CHI3L2: variants seen among roughly 807,000 people sequenced by gnomAD.
The protein encoded by CHI3L2 is chitinase-3-like protein 2.
A neutral mutation model predicts 47.3 loss-of-function variants in CHI3L2; 47 were observed. The ratio of observed to expected loss-of-function variants is 0.99; its 90% CI spans 0.79 to 1.27. CHI3L2 has a LOEUF of 1.27. Among genes scored for constraint, CHI3L2 ranks in the 50% most tolerant of loss-of-function variants. The probability of loss-of-function intolerance (pLI) is 0.00; values close to 1 mark genes in which losing one functional copy is unlikely to be tolerated. For synonymous variants in CHI3L2, 198 were observed against 169.9 expected (o/e 1.17, Z -1.28); for missense variants, 497 against 462.1 (o/e 1.08, Z -0.69).
At chr1:111,242,403 G>C in intron 10 of CHI3L2, 37 bp downstream of exon 10, 1 of 1,565,910 alleles carries the variant, frequency 6.4e-7, no homozygotes. Flanking sequence ...TGGGCAGACA[G>C]CTGGGCAGAA....
At chr1:111,240,289 A>G (rs1225319174) in intron 8 of CHI3L2, among the ~76,000 whole-genome samples, 2 of 152,220 alleles carry the variant, frequency 1.3e-5, no homozygotes, top group Non-Finnish European at 2.9e-5. Flanking sequence ...CATCTTACAC[A>G]TAGGAATGAT....
At chr1:111,228,654 G>C (rs1195744569) in intron 1 of CHI3L2, among the ~76,000 whole-genome samples, 1 of 152,254 alleles carries the variant, frequency 6.6e-6, no homozygotes, top group Non-Finnish European at 1.5e-5. Context: ...AGAGAGAACA[G>C]TAGAGCCCTG....
At chr1:111,234,837 G>A (rs1659829101) in intron 4 of CHI3L2, 70 bp from the exon 5 acceptor site, 2 of 1,455,756 alleles carry the variant, frequency 1.4e-6, no homozygotes, top group African/African-American at 2.8e-5. Context: ...CAGGATTTCT[G>A]TGAAAAATGT....
rs1571222917 is a variant in CHI3L2 at position 111,230,452 on chromosome 1, C to T, written c.71-290C>T. ...AATTTTTTGTAGAGATGGGGTTTTG[C>T]TATGTTGCCAGAGCTGGTCTTGAAC... On this transcript the variant is annotated intron_variant, in intron 2 of 10. Coordinates refer to ENST00000369748, the MANE Select transcript of CHI3L2 (RefSeq NM_004000.3). Among the ~76,000 whole-genome samples, 3 of 152,152 alleles carry T rather than the reference C, an allele frequency of 2.0e-5. No homozygotes were observed. In the South Asian group the frequency reaches 6.2e-4, roughly 32 times the overall value.
chr1:111,238,530 T>A (rs1379885711), intron 7 of CHI3L2, among the ~76,000 whole-genome samples: 1 of 152,236 alleles, frequency 6.6e-6, no homozygotes, highest in African/African-American at 2.4e-5. Context: ...CACTGTCTAG[T>A]TCCTTTCAGA....
chr1:111,237,896 A>G lies in CHI3L2; in HGVS notation c.736-854A>G, dbSNP rs531697799. Among the ~76,000 whole-genome samples, 16 of 152,304 alleles carry G rather than the reference A, an allele frequency of 1.1e-4. 1 individual carries two copies. In the South Asian group the frequency reaches 3.3e-3, roughly 32 times the overall value. ...TAAGACTGATAGAAGAGAATTTCTA[A>G]GTCTGATGAGAAACATTTACAATCT... On this transcript the variant is annotated intron_variant, in intron 7 of 10. Transcript: ENST00000369748.
chr1:111,238,727 C>G, intron 7 of CHI3L2, 23 bp from the exon 8 acceptor site: 1 of 1,612,188 alleles, frequency 6.2e-7, no homozygotes, highest in South Asian at 1.1e-5. Flanking sequence ...CACTCTGAGC[C>G]TCCATCTCTC....
rs768134329 is a variant in CHI3L2 at position 111,231,280 on chromosome 1, G to A, written c.315G>A (p.Leu105=). ...LKILLSIGGY[L]FGSKGFHPMV... is the part of the protein sequence containing the mutation. ...TTCTCTTGTCCATTGGAGGGTACCT[G>A]TTTGGTTCCAAAGGGTAAGACTACA... is the stretch of plus-strand genomic sequence containing the variant. Residue 105 remains leucine, a synonymous_variant, in exon 4 of 11, where the codon CTG becomes CTA. Transcript: ENST00000369748. 14 of 1,610,516 alleles carry A rather than the reference G, an allele frequency of 8.7e-6. No homozygotes were observed. In the Admixed American group the frequency reaches 2.3e-4, roughly 27 times the overall value.
At position 111,227,831 on chromosome 1, in the gene CHI3L2, G is replaced by A. The variant is rs3748718; in HGVS notation, c.40+62G>A. 2.9e-4 allele frequency: 427 copies of A among 1,471,948 alleles called. 3 individuals are homozygous for A. In the East Asian group the frequency reaches 8.8e-3, roughly 30 times the overall value. 91.2% of individuals were successfully genotyped at this position (1,471,948 alleles called of 1,614,324 possible). On this transcript the variant is annotated intron_variant, in intron 1 of 10. Transcript: ENST00000369748. ...TGAGGAAGGAAGAGGTAACAGGTCT[G>A]TAGAAGAAGTAATCTTCCTCCTTTC... is the stretch of plus-strand genomic sequence containing the variant.
At chr1:111,241,285 A>G (rs761555918) in intron 8 of CHI3L2, 42 bp from the exon 9 acceptor site, 1 of 1,096,220 alleles carries the variant, frequency 9.1e-7, no homozygotes, top group Non-Finnish European at 1.4e-6. Flanking sequence ...AGTTTCAAGA[A>G]TAACCCATTA....
At chr1:111,229,226 T>C (rs1475983620) in intron 1 of CHI3L2, among the ~76,000 whole-genome samples, 2 of 152,240 alleles carry the variant, frequency 1.3e-5, no homozygotes, top group Admixed American at 6.5e-5. Flanking sequence ...AACTGCATTA[T>C]AATTTCCCCA....
Position 111,230,844 on chromosome 1 carries a change from A to G in CHI3L2, c.173A>G (p.His58Arg), listed in dbSNP as rs1471988938. The G allele has an allele frequency of 6.2e-7, 1 of 1,613,958 alleles. No individual in the cohort carries two copies. Among genetic ancestry groups the G allele is most frequent in the Admixed American group, 1.7e-5 (1 of 59,994 alleles). The change falls in exon 3 of 11, where the codon CAT becomes CGT. Residue 58 changes from histidine to arginine, a missense_variant. Transcript: ENST00000369748. Reference sequence around the variant, plus strand: ...AATATTGACCCCTTCCTATGCTCTCATCTCATCTATTCATTCGCCAGCATC... The same window carrying G: ...AATATTGACCCCTTCCTATGCTCTCGTCTCATCTATTCATTCGCCAGCATC... ...PENIDPFLCS[H>R]LIYSFASIEN...
chr1:111,234,907 GT>G lies in CHI3L2; in HGVS notation c.332del (p.Phe111SerfsTer18). On this transcript the variant is annotated frameshift_variant and splice_region_variant, in exon 5 of 11. Transcript: ENST00000369748. LOFTEE classifies it high-confidence loss of function. ...IGGYLFGSKG[F>X]HPMVDSSTSR... ...AGACACTCGTATTGCTTCTTTCCAG[GT>G]TCCACCCTATGGTGGATTCTTCTAC... The G allele has an allele frequency of 6.2e-7, 1 of 1,613,558 alleles. No homozygotes were observed. The highest frequency in any genetic ancestry group is 8.5e-7 in the Non-Finnish European group (1 of 1,179,636).
In CHI3L2 at chr1:111,238,874, C is replaced by G; in HGVS notation, c.860C>G (p.Ser287Cys). 1 of 1,613,596 alleles carries G rather than the reference C, an allele frequency of 6.2e-7. No homozygotes were observed. Residue 287 changes from serine (S) to cysteine (C), a missense_variant, in exon 8 of 11, where the codon TCT becomes TGT. Coordinates refer to ENST00000369748, the MANE Select transcript of CHI3L2 (RefSeq NM_004000.3). ...SAETTVGAPA[S>C]GPGAAGPITE... is the part of the protein sequence containing the mutation. ...GAAACCACCGTGGGGGCCCCTGCCT[C>G]TGGCCCTGGAGCTGCTGGACCCATC...
At chr1:111,230,637 G>A in intron 2 of CHI3L2, 105 bp from the exon 3 acceptor site, 1 of 930,270 alleles carries the variant, frequency 1.1e-6, no homozygotes, top group Non-Finnish European at 1.7e-6. Flanking sequence ...GGCTCTGGCA[G>A]AATGAGCAAA....
At chr1:111,235,161 T>A in intron 5 of CHI3L2, 104 bp downstream of exon 5, 1 of 1,250,876 alleles carries the variant, frequency 8.0e-7, no homozygotes, top group Non-Finnish European at 1.1e-6. Context: ...AAGGAGGAGA[T>A]TGAGTCTAAC....
Position 111,236,018 on chromosome 1 carries a change from C to G in CHI3L2, c.606-6C>G, listed in dbSNP as rs376788065. The G allele has an allele frequency of 1.7e-4, 280 of 1,613,708 alleles. No individual in the cohort carries two copies. The highest frequency in any genetic ancestry group is 2.2e-4 in the Non-Finnish European group (260 of 1,179,888). On this transcript the variant is annotated splice_region_variant and splice_polypyrimidine_tract_variant and intron_variant, in intron 6 of 10. Transcript: ENST00000369748. ...AAAATCTCTCCCATTGCTTTTGGCA[C>G]TTTAGAGATCTGGATTTCATCAACC...
intron 6 of CHI3L2, 80 bp downstream of exon 6, chr1:111,235,843 T>TGAGGGGAGGAGGAAGA: frequency 6.3e-7 from 1 of 1,579,738 alleles, no homozygotes; most frequent in Non-Finnish European, 8.6e-7. Flanking sequence ...GTTTGACGGA[T>TGAGGGGAGGAGGAAGA]GAGGGGAGGA....
At chr1:111,242,508 T>C (rs1660091816) in intron 10 of CHI3L2, 142 bp downstream of exon 10, 3 of 846,114 alleles carry the variant, frequency 3.5e-6, no homozygotes, top group Non-Finnish European at 5.1e-6. Flanking sequence ...TCTTAGCAAT[T>C]AGGCTGGTTC....
Sources: gnomAD v4.1 joint callset for allele counts (sites outside exome capture counted in the v4.1 genomes callset) on GRCh38, gnomAD v4.1.1 for gene constraint, MANE v1.5 for transcripts, NCBI Gene and HGNC (gene_info 2026-07-23, HGNC 2026-07-21) for gene names.